The following PPP1R12C variants were observed in gnomAD, a reference collection of about 807,000 sequenced individuals.
The protein encoded by PPP1R12C is protein phosphatase 1 regulatory subunit 12C, also known as leukocyte receptor cluster (LRC) encoded novel gene 3.
A neutral mutation model predicts 95.6 loss-of-function variants in PPP1R12C; 48 were observed. The observed-to-expected ratio is 0.50, with a 90% confidence interval of 0.40 to 0.64. PPP1R12C has a LOEUF of 0.64. PPP1R12C is among the 30% of genes least tolerant of loss of function. PPP1R12C has a pLI of 0.00. For synonymous variants in PPP1R12C, 480 were observed against 460.8 expected (o/e 1.04, Z -0.53); for missense variants, 1,057 against 1,083.3 (o/e 0.98, Z 0.34).
Position 55,112,566 on chromosome 19 carries a change from C to T in PPP1R12C, c.472G>A (p.Ala158Thr), listed in dbSNP as rs1272408814. ...DIARYLLSHG[A>T]NIAAVNSDGD... is the part of the protein sequence containing the mutation. ...TCACTGTTGACGGCGGCGATGTTGG[C>T]CCCGTGGCTCAGGAGGTACCTGGGG... Residue 158 changes from alanine to threonine, a missense_variant, in exon 3 of 22, where the codon GCC becomes ACC. Transcript: ENST00000263433. 2 of 1,612,930 alleles carry T rather than the reference C, an allele frequency of 1.2e-6. No homozygotes were observed. Among genetic ancestry groups the T allele is most frequent in the African/African-American group, 2.7e-5 (2 of 74,896 alleles).
chr19:55,107,116 TA>T (rs879668475), intron 3 of PPP1R12C, among the ~76,000 whole-genome samples: 185 of 145,206 alleles, frequency 1.3e-3, no homozygotes, highest in Non-Finnish European at 1.2e-3. Flanking sequence ...AGACTGCCTT[TA>T]AAAAAAAAAA....
At chr19:55,098,756 G>C (rs764760630) in intron 6 of PPP1R12C, 28 bp downstream of exon 6, 4 of 1,612,792 alleles carry the variant, frequency 2.5e-6, no homozygotes, top group South Asian at 2.2e-5. Flanking sequence ...GGGGAGTCTG[G>C]GGTAAGCCCC....
intron 3 of PPP1R12C, among the ~76,000 whole-genome samples, chr19:55,104,217 C>CAA (rs1369025060): frequency 2.3e-4 from 26 of 112,564 alleles, no homozygotes; most frequent in East Asian, 5.1e-4. Flanking sequence ...CACACACATA[C>CAA]AAAAATATAA....
chr19:55,092,829 G>A lies in PPP1R12C; in HGVS notation c.1865C>T (p.Ala622Val). ...CTTTCCGACCTTGCGGTGCTCCCTG[G>A]CCGCCTGCGGTCCCGGACCCTGCCC... ...PDGQGPGPQA[A>V]REHRKVGKEW... is the part of the protein sequence containing the mutation. The change falls in exon 16 of 22, where the codon GCC (alanine) becomes GTC (valine). Residue 622 changes from alanine to valine, a missense_variant. Physicochemically the swap from Ala to Val is moderately conservative, Grantham distance 64. Around this residue, in one of 5 missense-constraint regions of PPP1R12C, gnomAD observed 347 missense variants for 307.9 expected, o/e 1.13. Transcript: ENST00000263433. 2 of 1,566,970 alleles carry A rather than the reference G, an allele frequency of 1.3e-6. No individual in the cohort carries two copies. The highest frequency in any genetic ancestry group is 1.7e-6 in the Non-Finnish European group (2 of 1,156,236).
rs757621931 is a variant in PPP1R12C, at chr19:55,099,026, C to A, written c.801G>T (p.Ala267=). ...DGDGWTPLHA[A]AHWGVEDACR... is the part of the protein sequence containing the mutation. ...AGGCATCCTCCACGCCCCAGTGTGC[C>A]GCTGCGTGCAGGGGAGTCCAGCCGT... Residue 267 remains alanine (A), a synonymous_variant, in exon 5 of 22, where the codon GCG becomes GCT. Transcript: ENST00000263433. 1 of 1,555,086 alleles carries A rather than the reference C, an allele frequency of 6.4e-7. No homozygotes were observed. Among genetic ancestry groups the A allele is most frequent in the Non-Finnish European group, 8.7e-7 (1 of 1,149,626 alleles).
In PPP1R12C at chr19:55,094,691, G is replaced by T; in HGVS notation, c.1562C>A (p.Ala521Glu). ...AKPNVPTASTAPPADSRDRRR... is the reference protein window; with the variant it reads ...AKPNVPTASTEPPADSRDRRR... ...TCGGTCCCGGGAGTCCGCTGGGGGC[G>T]CCGTGGAGGCTGTGGGGACGTTTGG... is the stretch of plus-strand genomic sequence containing the variant. Residue 521 changes from alanine to glutamate, a missense_variant, in exon 12 of 22, where the codon GCG (alanine) becomes GAG (glutamate). Physicochemically the swap from Ala to Glu is moderately radical, Grantham distance 107. Coordinates refer to ENST00000263433, the MANE Select transcript of PPP1R12C (RefSeq NM_017607.4). The T allele has an allele frequency of 6.2e-7, 1 of 1,606,252 alleles. No homozygotes were observed. Among genetic ancestry groups the T allele is most frequent in the Non-Finnish European group, 8.5e-7 (1 of 1,177,838 alleles).
intron 3 of PPP1R12C, among the ~76,000 whole-genome samples, chr19:55,105,838 A>C (rs1265975154): frequency 6.6e-6 from 1 of 151,732 alleles, no homozygotes; most frequent in Non-Finnish European, 1.5e-5. Flanking sequence ...GCTACTTGGG[A>C]GGCTGAGATG....
chr19:55,104,090 G>T (rs2085007597), intron 3 of PPP1R12C, among the ~76,000 whole-genome samples: 1 of 146,468 alleles, frequency 6.8e-6, no homozygotes, highest in Non-Finnish European at 1.5e-5. Flanking sequence ...TTGAACCCGG[G>T]AGTTGGAGGT....
chr19:55,116,929 C>T (rs185486508), intron 1 of PPP1R12C, among the ~76,000 whole-genome samples: 2 of 152,152 alleles, frequency 1.3e-5, no homozygotes. Context: ...CCAGTTAAAG[C>T]GACTCCAATG....
At chr19:55,104,874 C>A (rs567013372) in intron 3 of PPP1R12C, among the ~76,000 whole-genome samples, 1 of 150,342 alleles carries the variant, frequency 6.7e-6, no homozygotes, top group African/African-American at 2.5e-5. Context: ...CAGGTTCAAG[C>A]GGTTCTCCTG....
intron 1 of PPP1R12C, 93 bp downstream of exon 1, chr19:55,117,130 G>T: frequency 9.4e-7 from 1 of 1,065,796 alleles, no homozygotes; most frequent in Non-Finnish European, 1.2e-6. Context: ...ACGACGGGGC[G>T]GATCGAGACT....
At position 55,095,934 on chromosome 19, in the gene PPP1R12C, G is replaced by T; in HGVS notation, c.1160C>A (p.Pro387His). The T allele has an allele frequency of 6.2e-7, 1 of 1,612,950 alleles. No homozygotes were observed. The highest frequency in any genetic ancestry group is 8.5e-7 in the Non-Finnish European group (1 of 1,179,848). ...ATTGAGGGTTCTGGGTTCTGCAGGG[G>T]GTGGTTCTGTGATGTGGGAACACCG... ...DEGEEGPTEPPPAEPRTLNGV... is the reference protein window; with the variant it reads ...DEGEEGPTEPHPAEPRTLNGV... Residue 387 changes from proline to histidine, a missense_variant, in exon 9 of 22, where the codon CCC becomes CAC. Pro to His is a moderately conservative substitution (Grantham distance 77). Transcript: ENST00000263433.
chr19:55,106,443 C>T (rs549796895), intron 3 of PPP1R12C, among the ~76,000 whole-genome samples: 1 of 152,332 alleles, frequency 6.6e-6, no homozygotes, highest in South Asian at 2.1e-4. Flanking sequence ...CCTTTCCCAC[C>T]AGGCAGAAAT....
intron 12 of PPP1R12C, 72 bp downstream of exon 12, chr19:55,094,589 C>CG (rs2084887940): frequency 1.3e-6 from 2 of 1,526,702 alleles, no homozygotes; most frequent in African/African-American, 2.7e-5. Context: ...CCCAAAGCCC[C>CG]GGGACTCCTG....
intron 6 of PPP1R12C, 33 bp from the exon 7 acceptor site, chr19:55,096,368 G>T (rs769157368): frequency 1.2e-6 from 2 of 1,605,910 alleles, no homozygotes; most frequent in Non-Finnish European, 1.7e-6. Flanking sequence ...CAGGGGAGGG[G>T]TGGAGCACAC....
intron 1 of PPP1R12C, among the ~76,000 whole-genome samples, chr19:55,116,960 G>C (rs1382455776): frequency 6.6e-6 from 1 of 152,158 alleles, no homozygotes; most frequent in Non-Finnish European, 1.5e-5. Context: ...TAGGTCGAAG[G>C]GGAATGGTAA....
In PPP1R12C at chr19:55,090,994, G is replaced by T. The variant is rs747542809; in HGVS notation, c.*478C>A. 2 of 158,280 alleles carry T rather than the reference G, an allele frequency of 1.3e-5. No homozygotes were observed. The highest frequency in any genetic ancestry group is 2.4e-5 in the African/African-American group (1 of 41,518). 9.8% of individuals were successfully genotyped at this position (158,280 alleles called of 1,614,324 possible). A position where few individuals can be genotyped will look rare whatever the true frequency, so the allele number is the denominator to read the frequency against. On this transcript the variant is annotated 3_prime_UTR_variant, in exon 22 of 22. Transcript: ENST00000263433. ...CCTTCTCCCCCTGCCCCAGACAGTG[G>T]GCGGGGAGGGGGCAGCAAAAAATAG...
intron 3 of PPP1R12C, among the ~76,000 whole-genome samples, chr19:55,107,184 C>A (rs143554085): frequency 1.3e-5 from 2 of 151,984 alleles, no homozygotes; most frequent in Non-Finnish European, 2.9e-5. Context: ...GGGGCCGAGA[C>A]GGGTGGATCA....
At chr19:55,099,560 A>C (rs1309965162) in intron 4 of PPP1R12C, among the ~76,000 whole-genome samples, 1 of 152,182 alleles carries the variant, frequency 6.6e-6, no homozygotes, top group Non-Finnish European at 1.5e-5. Context: ...GCTGTCCCCC[A>C]GGGGAGACCC....
Sources: gnomAD v4.1 joint callset for allele counts (sites outside exome capture counted in the v4.1 genomes callset) on GRCh38, gnomAD v4.1.1 for gene constraint, gnomAD v4.1.1 regional missense constraint, MANE v1.5 for transcripts, NCBI Gene and HGNC (gene_info 2026-07-23, HGNC 2026-07-21) for gene names.